The following KALRN variants were observed in gnomAD, a reference collection of about 807,000 sequenced individuals.
The protein encoded by KALRN is kalirin RhoGEF kinase.
A neutral mutation model predicts 353.7 loss-of-function variants in KALRN; 70 were observed. The ratio of observed to expected loss-of-function variants is 0.20; its 90% confidence interval spans 0.16 to 0.24. The LOEUF (loss-of-function observed/expected upper bound fraction) is 0.24, where lower values mean the gene tolerates loss of function less well. Among genes scored for constraint, KALRN ranks in the 10% least tolerant of loss-of-function variants. KALRN has a pLI of 1.00. For synonymous variants in KALRN, 1,391 were observed against 1,434.8 expected (o/e 0.97, Z 0.69); for missense variants, 2,791 against 3,756.7 (o/e 0.74, Z 6.72).
intron 21 of KALRN, among the ~76,000 whole-genome samples, chr3:124,447,146 G>C (rs533365673): frequency 1.5e-4 from 23 of 152,174 alleles, no homozygotes; most frequent in Non-Finnish European, 2.4e-4. Flanking sequence ...TCATGCTTCA[G>C]GTTCTGGAAT....
At chr3:124,073,016 T>A (rs968720008) in intron 1 of KALRN, among the ~76,000 whole-genome samples, 1 of 152,202 alleles carries the variant, frequency 6.6e-6, no homozygotes, top group African/African-American at 2.4e-5. Context: ...CTTGATTACA[T>A]GTTCATCATG....
At chr3:124,283,920 A>G (rs557582242) in intron 5 of KALRN, among the ~76,000 whole-genome samples, 29 of 152,320 alleles carry the variant, frequency 1.9e-4, no homozygotes, top group African/African-American at 6.5e-4. Flanking sequence ...CTGAACCCAG[A>G]GGAAGTGGAA....
chr3:124,218,289 T>C (rs2077544560), intron 1 of KALRN, among the ~76,000 whole-genome samples: 1 of 152,164 alleles, frequency 6.6e-6, no homozygotes, highest in Admixed American at 6.5e-5. Flanking sequence ...ATTAATATTA[T>C]TGATATTTGT....
intron 17 of KALRN, among the ~76,000 whole-genome samples, chr3:124,438,565 G>A (rs1322681547): frequency 1.3e-5 from 2 of 151,056 alleles, no homozygotes; most frequent in Non-Finnish European, 2.9e-5. Flanking sequence ...TAGTTATTGT[G>A]AGATTATAAC....
At chr3:124,655,376 A>G (rs1417386752) in intron 38 of KALRN, among the ~76,000 whole-genome samples, 1 of 152,168 alleles carries the variant, frequency 6.6e-6, no homozygotes, top group Non-Finnish European at 1.5e-5. Context: ...TCGTGTGACT[A>G]TTGTATGTCA....
chr3:124,399,431 C>G (rs2090584961), intron 13 of KALRN, among the ~76,000 whole-genome samples: 1 of 152,194 alleles, frequency 6.6e-6, no homozygotes, highest in African/African-American at 2.4e-5. Context: ...AGCCACTGTG[C>G]CTAGCCAAGA....
rs187373736 is a variant in KALRN at position 124,154,950 on chromosome 3, C to T, written c.74-73040C>T. ...GGAACAGAACAGACGTCAGAAATAA[C>T]GCCACATATATACAACTATCTGACC... On this transcript the variant is annotated intron_variant, in intron 1 of 59. Coordinates refer to ENST00000682506, the MANE Select transcript of KALRN (RefSeq NM_001388419.1). 1.3e-3 allele frequency among the ~76,000 whole-genome samples: 193 copies of T among 152,216 alleles called. 1 individual carries two copies. Among genetic ancestry groups the T allele is most frequent in the Non-Finnish European group, 1.8e-3 (125 of 68,008 alleles).
intron 5 of KALRN, among the ~76,000 whole-genome samples, chr3:124,278,117 A>G (rs1221914485): frequency 6.6e-6 from 1 of 151,380 alleles, no homozygotes; most frequent in Non-Finnish European, 1.5e-5. Flanking sequence ...TGTTGGGGCT[A>G]TGTGTCTCTA....
intron 47 of KALRN, among the ~76,000 whole-genome samples, chr3:124,668,043 G>GACACACACACACACAC (rs55672121): frequency 4.1e-4 from 57 of 138,418 alleles, no homozygotes; most frequent in Non-Finnish European, 5.7e-4. Flanking sequence ...TGTATATCGA[G>GACACACACACACACAC]ACACACACAC....
chr3:124,144,899 G>A (rs4624511), intron 1 of KALRN, among the ~76,000 whole-genome samples: 10,551 of 152,244 alleles, frequency 0.069, 1,208 homozygotes, highest in African/African-American at 0.24. Flanking sequence ...ACATGAAATA[G>A]ATGAGATAGA....
chr3:124,087,952 C>T (rs1256480282), intron 1 of KALRN, among the ~76,000 whole-genome samples: 2 of 152,204 alleles, frequency 1.3e-5, no homozygotes, highest in East Asian at 3.8e-4. Flanking sequence ...TGTCCTTCTA[C>T]TACTGTTGCT....
At chr3:124,630,958 C>A (rs1578484000) in intron 34 of KALRN, among the ~76,000 whole-genome samples, 2 of 141,408 alleles carry the variant, frequency 1.4e-5, no homozygotes, top group Non-Finnish European at 3.1e-5. Context: ...TAGGCCATGG[C>A]CCCCTCCATT....
At chr3:124,417,104 G>T (rs563071467) in intron 14 of KALRN, among the ~76,000 whole-genome samples, 3 of 152,252 alleles carry the variant, frequency 2.0e-5, no homozygotes, top group Middle Eastern at 3.4e-3. Context: ...TTCTTAATTT[G>T]CTCATTGTTC....
At chr3:124,576,580 T>G (rs936159983) in intron 34 of KALRN, among the ~76,000 whole-genome samples, 7 of 152,182 alleles carry the variant, frequency 4.6e-5, no homozygotes, top group African/African-American at 1.7e-4. Flanking sequence ...TTGGACTGGT[T>G]GAAGGATGAG....
At chr3:124,253,861 C>T (rs1328083368) in intron 3 of KALRN, among the ~76,000 whole-genome samples, 1 of 152,198 alleles carries the variant, frequency 6.6e-6, no homozygotes, top group African/African-American at 2.4e-5. Flanking sequence ...AGGAGGTAAG[C>T]AGAAATCTTC....
At chr3:124,355,819 G>A (rs1384770368) in intron 10 of KALRN, among the ~76,000 whole-genome samples, 2 of 145,894 alleles carry the variant, frequency 1.4e-5, no homozygotes, top group Admixed American at 7.1e-5. Context: ...AGATTCAAGC[G>A]ATTCTCCTGC....
At chr3:124,438,537 C>A (rs534316860) in intron 17 of KALRN, among the ~76,000 whole-genome samples, 2 of 152,132 alleles carry the variant, frequency 1.3e-5, no homozygotes, top group African/African-American at 2.4e-5. Flanking sequence ...AACCTCATTT[C>A]CTGTTCTACC....
chr3:124,586,211 G>A (rs892712862), intron 34 of KALRN, among the ~76,000 whole-genome samples: 2 of 152,190 alleles, frequency 1.3e-5, no homozygotes, highest in Admixed American at 1.3e-4. Flanking sequence ...CAAAACCAAG[G>A]CTGGGAATTG....
In KALRN at chr3:124,657,816, C is replaced by T. The variant is rs367933842; in HGVS notation, c.6036+13C>T. The T allele has an allele frequency of 6.4e-7, 1 of 1,569,550 alleles. No homozygotes were observed. Among genetic ancestry groups the T allele is most frequent in the Non-Finnish European group, 8.8e-7 (1 of 1,139,722 alleles). On this transcript the variant is annotated intron_variant, in intron 41 of 59. Coordinates refer to ENST00000682506, the MANE Select transcript of KALRN (RefSeq NM_001388419.1). ...CTTTATTAAGCACGTGAGTGTCTCC[C>T]ATCACCTCCTCCCCAACTCCTTCAC...
Sources: gnomAD v4.1 joint callset for allele counts (sites outside exome capture counted in the v4.1 genomes callset) on GRCh38, gnomAD v4.1.1 for gene constraint, MANE v1.5 for transcripts, NCBI Gene and HGNC (gene_info 2026-07-23, HGNC 2026-07-21) for gene names.